The following TMEM260 variants were observed in gnomAD, a reference collection of about 807,000 sequenced individuals.
TMEM260 encodes transmembrane protein 260.
Under a neutral mutation model 88.9 loss-of-function variants are expected in TMEM260, and 82 were observed. The observed-to-expected ratio is 0.92, with a 90% confidence interval of 0.77 to 1.11. The LOEUF (loss-of-function observed/expected upper bound fraction) is 1.11, where lower values mean the gene tolerates loss of function less well. Ranked by LOEUF, TMEM260 falls within the 50% of genes least tolerant of loss-of-function variation. TMEM260 has a pLI of 0.00. For synonymous variants in TMEM260, 314 were observed against 309.3 expected, an observed-to-expected ratio of 1.02 and a Z score of -0.16; for missense variants, 902 against 853.4, an observed-to-expected ratio of 1.06 and a Z score of -0.71.
At chr14:56,626,293 G>A (rs1444255669) in intron 12 of TMEM260, among the ~76,000 whole-genome samples, 1 of 152,164 alleles carries the variant, frequency 6.6e-6, no homozygotes, top group Non-Finnish European at 1.5e-5. Context: ...GTAAACGACA[G>A]TAATGGTTAT....
intron 12 of TMEM260, among the ~76,000 whole-genome samples, chr14:56,626,050 G>A (rs1001813815): frequency 6.6e-6 from 1 of 152,154 alleles, no homozygotes; most frequent in Non-Finnish European, 1.5e-5. Flanking sequence ...TTTGTAGTTA[G>A]GTCAAGAATA....
At chr14:56,659,261 G>GC in the TMEM260 span, among the ~76,000 whole-genome samples, 1 of 140,378 alleles carries the variant, frequency 7.1e-6, no homozygotes, top group East Asian at 2.1e-4. Context: ...TTTGGTTTTT[G>GC]TTTTTTTTTT....
Position 56,636,503 on chromosome 14 carries a change from C to T in TMEM260, c.1779-5C>T. The T allele has an allele frequency of 6.2e-7, 1 of 1,613,630 alleles. No individual in the cohort carries two copies. Among genetic ancestry groups the T allele is most frequent in the Non-Finnish European group, 8.5e-7 (1 of 1,179,712 alleles). ...TTTAATGAAGGTTCCTATCCCCACC[C>T]CCAGGATGAAAACACCGTTCTTCAT... is the stretch of plus-strand genomic sequence containing the variant. On this transcript the variant is annotated splice_polypyrimidine_tract_variant and splice_region_variant and intron_variant, in intron 14 of 15. Coordinates refer to ENST00000261556, the MANE Select transcript of TMEM260 (RefSeq NM_017799.4).
chr14:56,661,599 A>C, the TMEM260 span, among the ~76,000 whole-genome samples: 1 of 151,928 alleles, frequency 6.6e-6, no homozygotes, highest in Non-Finnish European at 1.5e-5. Context: ...GAAGGAATTA[A>C]AAAAGGGAAA....
At chr14:56,661,679 C>A in the TMEM260 span, among the ~76,000 whole-genome samples, 1 of 152,270 alleles carries the variant, frequency 6.6e-6, no homozygotes, top group African/African-American at 2.4e-5. Flanking sequence ...CATGGTCAGC[C>A]TCTCCCTGCC....
chr14:56,657,574 G>C, the TMEM260 span, among the ~76,000 whole-genome samples: 2 of 152,192 alleles, frequency 1.3e-5, no homozygotes, highest in Non-Finnish European at 2.9e-5. Flanking sequence ...TCCAGAAGGG[G>C]AGAAAGCCAA....
At chr14:56,620,308 C>T (rs1887838016) in intron 10 of TMEM260, among the ~76,000 whole-genome samples, 2 of 152,098 alleles carry the variant, frequency 1.3e-5, no homozygotes, top group Non-Finnish European at 2.9e-5. Context: ...TTAAAAAAAC[C>T]CACAACATTG....
At chr14:56,593,144 A>G (rs919044833) in intron 3 of TMEM260, 3 of 152,266 alleles carry the variant, frequency 2.0e-5, no homozygotes, top group Non-Finnish European at 2.9e-5. Flanking sequence ...TGAGAAAACT[A>G]CTATGCAATC....
At chr14:56,653,746 A>AAAACAAAACAAAAC (rs1566588682), downstream of TMEM260, among the ~76,000 whole-genome samples, 11 of 86,076 alleles carry the variant, frequency 1.3e-4, no homozygotes, top group African/African-American at 3.1e-4. Flanking sequence ...CAAAACAAAA[A>AAAACAAAACAAAAC]AAAAAAAAAC....
chr14:56,644,753 A>G (rs1444676321), intron 15 of TMEM260, among the ~76,000 whole-genome samples: 1 of 152,058 alleles, frequency 6.6e-6, no homozygotes, highest in Non-Finnish European at 1.5e-5. Context: ...AACTTACTCG[A>G]CAAAGGGCTA....
At chr14:56,614,156 G>C (rs1197296981) in intron 7 of TMEM260, among the ~76,000 whole-genome samples, 1 of 149,186 alleles carries the variant, frequency 6.7e-6, no homozygotes, top group African/African-American at 2.5e-5. Flanking sequence ...TGATCCACCT[G>C]CCTCGGCCTC....
At position 56,618,782 on chromosome 14, in the gene TMEM260, T is replaced by C. The variant is rs1301997737; in HGVS notation, c.1226+19T>C. ...ATTACAGGTAATACATGGTTATTTTTATGAAAAGTAGCTGTCAAGCCAGAG... is the reference window on the plus strand; with the variant it reads ...ATTACAGGTAATACATGGTTATTTTCATGAAAAGTAGCTGTCAAGCCAGAG... On this transcript the variant is annotated intron_variant, in intron 10 of 15. Transcript: ENST00000261556. 2 of 1,606,684 alleles carry C rather than the reference T, an allele frequency of 1.2e-6. No homozygotes were observed.
At chr14:56,650,339 C>A (rs113591084), downstream of TMEM260, 1 of 261,928 alleles carries the variant, frequency 3.8e-6, no homozygotes, top group Non-Finnish European at 7.6e-6. Context: ...AAGGCTGGCA[C>A]GCACCAGAGG....
chr14:56,621,827 A>G, intron 11 of TMEM260, 125 bp downstream of exon 11: 2 of 694,340 alleles, frequency 2.9e-6, no homozygotes, highest in East Asian at 5.9e-5. Flanking sequence ...TAGAATATAT[A>G]TGACATTCTA....
At chr14:56,643,875 G>C (rs1396333146) in intron 15 of TMEM260, among the ~76,000 whole-genome samples, 4 of 152,010 alleles carry the variant, frequency 2.6e-5, no homozygotes, top group East Asian at 1.9e-4. Flanking sequence ...AACAGACAGA[G>C]AGGCAAATCA....
chr14:56,611,579 C>T (rs1395585587), intron 6 of TMEM260, among the ~76,000 whole-genome samples: 1 of 152,158 alleles, frequency 6.6e-6, no homozygotes, highest in Non-Finnish European at 1.5e-5. Context: ...AATGCTTATA[C>T]ACTGCTGGTG....
chr14:56,662,564 C>T, the TMEM260 span, among the ~76,000 whole-genome samples: 1 of 152,224 alleles, frequency 6.6e-6, no homozygotes, highest in Non-Finnish European at 1.5e-5. Flanking sequence ...CCTGTGCCCA[C>T]TAGAATCCAC....
At position 56,647,391 on chromosome 14, in the gene TMEM260, T is replaced by C. The variant is rs768738199; in HGVS notation, c.2018T>C (p.Leu673Pro). ...LLSETIRHFR[L>P]YSQKAPNDPQ... ...TCGGAAACCATCAGACATTTCCGTC[T>C]GTACTCTCAGAAAGCACCGAATGAC... The change falls in exon 16 of 16, where the codon CTG becomes CCG. Residue 673 changes from leucine (L) to proline (P), a missense_variant. Coordinates refer to ENST00000261556, the MANE Select transcript of TMEM260 (RefSeq NM_017799.4). 1 of 1,614,220 alleles carries C rather than the reference T, an allele frequency of 6.2e-7. No homozygotes were observed. Among genetic ancestry groups the C allele is most frequent in the South Asian group, 1.1e-5 (1 of 91,086 alleles).
Position 56,609,284 on chromosome 14 carries a change from T to C in TMEM260, c.815T>C (p.Leu272Pro). ...FLREEYGTFS[L>P]AKSEIGSSMS... ...AGGGAAGAATATGGAACCTTCAGCC[T>C]GGTAAATTCAGATTTAAAGCCCTTC... is the stretch of plus-strand genomic sequence containing the variant. Residue 272 changes from leucine to proline, a missense_variant and splice_region_variant, in exon 6 of 16, where the codon CTG becomes CCG. By Grantham distance (98) the Leu-to-Pro change is moderately conservative (BLOSUM62 -3). Coordinates refer to ENST00000261556, the MANE Select transcript of TMEM260 (RefSeq NM_017799.4). The C allele has an allele frequency of 6.2e-7, 1 of 1,613,536 alleles. No homozygotes were observed. Among genetic ancestry groups the C allele is most frequent in the Non-Finnish European group, 8.5e-7 (1 of 1,179,590 alleles).
Sources: gnomAD v4.1 joint callset for allele counts (sites outside exome capture counted in the v4.1 genomes callset) on GRCh38, gnomAD v4.1.1 for gene constraint, MANE v1.5 for transcripts, NCBI Gene and HGNC (gene_info 2026-07-23, HGNC 2026-07-21) for gene names.